ERN1: variants seen among roughly 807,000 people sequenced by gnomAD.
ERN1 encodes the protein serine/threonine-protein kinase/endoribonuclease IRE1.
ERN1 carries 39 observed loss-of-function variants against 113.1 expected under a neutral mutation model. The observed-to-expected ratio is 0.34, with a 90% CI of 0.27 to 0.45. ERN1 has a LOEUF of 0.45. Among genes scored for constraint, ERN1 ranks in the 20% least tolerant of loss-of-function variants. The pLI is 1.00. For synonymous variants in ERN1, 507 were observed against 515.9 expected (o/e 0.98, Z 0.23); for missense variants, 976 against 1,274.8 (o/e 0.77, Z 3.57).
At chr17:64,067,473 C>T (rs1913268262) in intron 7 of ERN1, among the ~76,000 whole-genome samples, 1 of 149,708 alleles carries the variant, frequency 6.7e-6, no homozygotes, top group Non-Finnish European at 1.5e-5. Flanking sequence ...GGGGGAGTGG[C>T]GGTACGTGCC....
rs1913183277 is a variant in ERN1 at position 64,065,251 on chromosome 17, G to C, written c.879C>G (p.Leu293=). 1.2e-6 allele frequency: 2 copies of C among 1,608,214 alleles called. No homozygotes were observed. Among genetic ancestry groups the C allele is most frequent in the Non-Finnish European group, 1.7e-6 (2 of 1,177,362 alleles). ...CGTGTACCATTGAGGGAGAGGCATA[G>C]AGGCTGGTAGAGTATTTCCCAACAT... is the stretch of plus-strand genomic sequence containing the variant. ...TLYVGKYSTS[L]YASPSMVHEG... The change falls in exon 9 of 22, where the codon CTC becomes CTG. Residue 293 remains leucine, a synonymous_variant. Transcript: ENST00000433197.
chr17:64,081,883 A>T (rs1381276529), intron 2 of ERN1, among the ~76,000 whole-genome samples: 1 of 152,218 alleles, frequency 6.6e-6, no homozygotes, highest in Non-Finnish European at 1.5e-5. Context: ...GAACACTGGC[A>T]CAGCAGCACT....
At chr17:64,066,070 G>C (rs1179524916) in intron 8 of ERN1, among the ~76,000 whole-genome samples, 3 of 152,102 alleles carry the variant, frequency 2.0e-5, no homozygotes, top group Non-Finnish European at 4.4e-5. Context: ...GGAAACTGAG[G>C]CTTGGGGAGT....
chr17:64,068,407 C>CGA (rs1913306812), intron 6 of ERN1, 116 bp from the exon 7 acceptor site: 1 of 707,866 alleles, frequency 1.4e-6, no homozygotes, highest in African/African-American at 1.8e-5. Context: ...GCCAAAAAGT[C>CGA]CAGACTATCC....
chr17:64,080,612 T>C (rs1333089222), intron 3 of ERN1, 163 bp downstream of exon 3: 4 of 614,124 alleles, frequency 6.5e-6, no homozygotes, highest in African/African-American at 1.9e-5. Context: ...CACCTCCTCC[T>C]CAACACAAGC....
rs570218784 is a variant in ERN1, at chr17:64,118,834, C to A, written c.54+11142G>T. On this transcript the variant is annotated intron_variant, in intron 1 of 21. Transcript: ENST00000433197. ...CTGACTCAGGCAATGAGGCTAATAG[C>A]CAGCTCTCACATGAAAAGGGGAAGG... Among the ~76,000 whole-genome samples, 3 of 152,292 alleles carry A rather than the reference C, an allele frequency of 2.0e-5. No homozygotes were observed. In the South Asian group the frequency reaches 6.2e-4, roughly 32 times the overall value.
chr17:64,043,307 C>G lies in ERN1; in HGVS notation c.*681G>C, dbSNP rs980298956. 2.1e-4 allele frequency: 32 copies of G among 152,788 alleles called. No individual in the cohort carries two copies. The highest frequency in any genetic ancestry group is 9.8e-4 in the Admixed American group (15 of 15,308). 9.5% of individuals were successfully genotyped at this position (152,788 alleles called of 1,614,324 possible). A position where few individuals can be genotyped will look rare whatever the true frequency, so the allele number is the denominator to read the frequency against. ...CACTGGGCCACGGCTGCCTCCAGAA[C>G]AGAGCAGCCTCTTCATTTCTGAGAC... On this transcript the variant is annotated 3_prime_UTR_variant, in exon 22 of 22. Transcript: ENST00000433197.
chr17:64,051,399 A>G (rs1912679111), intron 17 of ERN1, among the ~76,000 whole-genome samples: 1 of 152,252 alleles, frequency 6.6e-6, no homozygotes, highest in Non-Finnish European at 1.5e-5. Context: ...GATCAGCTGT[A>G]GCATCACTAA....
intron 2 of ERN1, among the ~76,000 whole-genome samples, chr17:64,089,570 G>C (rs532097466): frequency 6.6e-6 from 1 of 152,064 alleles, no homozygotes; most frequent in Non-Finnish European, 1.5e-5. Flanking sequence ...CAAGCATTTC[G>C]GGTAAGGGAT....
chr17:64,069,892 G>C (rs1252753512), intron 6 of ERN1, among the ~76,000 whole-genome samples: 1 of 152,076 alleles, frequency 6.6e-6, no homozygotes, highest in African/African-American at 2.4e-5. Context: ...GGAGTGGGAG[G>C]GTTGTAAACT....
At chr17:64,066,435 C>A (rs959611879) in intron 8 of ERN1, among the ~76,000 whole-genome samples, 1 of 152,084 alleles carries the variant, frequency 6.6e-6, no homozygotes, top group African/African-American at 2.4e-5. Context: ...GCCATGGTGC[C>A]CGACACCTCC....
chr17:64,060,428 C>T (rs775529718), intron 11 of ERN1, 41 bp downstream of exon 11: 2 of 1,326,364 alleles, frequency 1.5e-6, no homozygotes, highest in African/African-American at 1.4e-5. Flanking sequence ...CCTCCCAACA[C>T]CTAACACCAA....
intron 13 of ERN1, 132 bp downstream of exon 13, chr17:64,055,543 A>G: frequency 1.2e-6 from 1 of 863,160 alleles, no homozygotes; most frequent in Non-Finnish European, 1.7e-6. Flanking sequence ...AGAGACCCCC[A>G]GAGTGGAAGT....
Position 64,068,208 on chromosome 17 carries a change from C to T in ERN1, c.562G>A (p.Glu188Lys). 6.2e-7 allele frequency: 1 copy of T among 1,610,676 alleles called. No individual in the cohort carries two copies. Among genetic ancestry groups the T allele is most frequent in the Non-Finnish European group, 8.5e-7 (1 of 1,178,470 alleles). ...CACTTACTGTAGTCCACGTCGTCCTCAGGCAGTGAGGCCGCATAGTCAAAG... is the reference window on the plus strand; with the variant it reads ...CACTTACTGTAGTCCACGTCGTCCTTAGGCAGTGAGGCCGCATAGTCAAAG... Reference protein sequence around the residue: ...TYFDYAASLPEDDVDYKMSHF... With the variant: ...TYFDYAASLPKDDVDYKMSHF... Residue 188 changes from glutamate to lysine, a missense_variant, in exon 7 of 22, where the codon GAG becomes AAG. This residue lies in a region of ERN1 where 459 missense variants were observed against 581.2 expected (regional missense o/e 0.79). Transcript: ENST00000433197.
chr17:64,050,104 T>A (rs531120235), intron 17 of ERN1, among the ~76,000 whole-genome samples: 2 of 152,318 alleles, frequency 1.3e-5, no homozygotes, highest in South Asian at 2.1e-4. Context: ...AAAGGTTGCA[T>A]GACAAGCTCA....
intron 19 of ERN1, among the ~76,000 whole-genome samples, chr17:64,046,359 C>G (rs892017678): frequency 1.3e-5 from 2 of 152,140 alleles, no homozygotes; most frequent in African/African-American, 2.4e-5. Flanking sequence ...CAGGTGTGTT[C>G]GAGAGACATA....
At chr17:64,048,990 A>G in intron 18 of ERN1, 65 bp downstream of exon 18, 1 of 1,446,154 alleles carries the variant, frequency 6.9e-7, no homozygotes, top group African/African-American at 1.4e-5. Flanking sequence ...GCACCAGCCC[A>G]GCTCTGCAGG....
At position 64,049,257 on chromosome 17, in the gene ERN1, C is replaced by CCCTG; in HGVS notation, c.2254-56_2254-55insCAGG. The CCCTG allele has an allele frequency of 2.0e-6, 3 of 1,503,416 alleles. No individual in the cohort carries two copies. The highest frequency in any genetic ancestry group is 2.7e-6 in the Non-Finnish European group (3 of 1,111,000). 93.1% of individuals were successfully genotyped at this position (1,503,416 alleles called of 1,614,324 possible). On this transcript the variant is annotated intron_variant, in intron 17 of 21. Coordinates refer to ENST00000433197, the MANE Select transcript of ERN1 (RefSeq NM_001433.5). This position sits in a 1 kb window ranked among gnomAD's most constrained non-coding sequence, Gnocchi z 4.7. ...TGGGAGCAGAGTTTTCATCCTCACT[C>CCCTG]ACAGTCAGGGAGGGAGGAGCATTGC...
intron 10 of ERN1, among the ~76,000 whole-genome samples, chr17:64,061,159 A>G (rs1228567010): frequency 6.6e-6 from 1 of 152,224 alleles, no homozygotes; most frequent in Non-Finnish European, 1.5e-5. Context: ...TTCACTACAC[A>G]ACTATCGCAT....
Sources: allele counts gnomAD v4.1 joint callset (sites outside exome capture counted in the v4.1 genomes callset), GRCh38; gene constraint gnomAD v4.1.1; regional missense constraint gnomAD v4.1.1; non-coding constraint Gnocchi (gnomAD v3.1); transcripts MANE v1.5; gene names NCBI Gene and HGNC (gene_info 2026-07-23, HGNC 2026-07-21).